The following CGREF1 variants were observed in gnomAD, a reference collection of about 807,000 sequenced individuals.
The protein encoded by CGREF1 is cell growth regulator with EF-hand domain 1.
In CGREF1, 16 loss-of-function variants were observed where a neutral mutation model predicts 17.4. The ratio of observed to expected loss-of-function variants is 0.92; its 90% confidence interval spans 0.62 to 1.40. CGREF1 has a LOEUF of 1.40. Among genes scored for constraint, CGREF1 ranks in the 40% most tolerant of loss-of-function variants. The probability of loss-of-function intolerance (pLI) is 0.00; values close to 1 mark genes in which losing one functional copy is unlikely to be tolerated. For synonymous variants in CGREF1, 142 were observed against 154.6 expected (o/e 0.92, Z 0.61); for missense variants, 296 against 376.4 (o/e 0.79, Z 1.77).
intron 1 of CGREF1, among the ~76,000 whole-genome samples, chr2:27,118,463 G>A (rs1671670728): frequency 2.0e-5 from 3 of 152,160 alleles, no homozygotes; most frequent in Admixed American, 2.0e-4. Context: ...TCGGCCACCT[G>A]CAAGCGGACG....
downstream of CGREF1, chr2:27,100,098 G>A: frequency 1.7e-6 from 1 of 581,896 alleles, no homozygotes. Flanking sequence ...GGCTGCCTGG[G>A]CTAGAGCAGC....
intron 1 of CGREF1, chr2:27,104,586 A>C (rs1671044748): frequency 1.9e-6 from 3 of 1,550,600 alleles, no homozygotes; most frequent in Non-Finnish European, 2.6e-6. Context: ...TCTTGTATAT[A>C]AAGCACATAA....
Position 27,118,549 on chromosome 2 carries a change from C to T in CGREF1, c.-12+297G>A, listed in dbSNP as rs78366884. 3.0e-4 allele frequency among the ~76,000 whole-genome samples: 45 copies of T among 152,300 alleles called. No individual in the cohort carries two copies. In the East Asian group the frequency reaches 6.4e-3, roughly 22 times the overall value. ...GGAAAGCTCCCGCCAGCTGCCCCTC[C>T]CCCAGGACTGCTGGAACACGGAATG... On this transcript the variant is annotated intron_variant, in intron 1 of 5. Transcript: ENST00000402394.
chr2:27,104,817 C>A, intron 1 of CGREF1: 1 of 1,448,508 alleles, frequency 6.9e-7, no homozygotes. Flanking sequence ...AAGACTTAAA[C>A]ACAGGCAAAA....
chr2:27,111,790 C>T (rs1225537029), intron 1 of CGREF1, among the ~76,000 whole-genome samples: 1 of 152,012 alleles, frequency 6.6e-6, no homozygotes, highest in Non-Finnish European at 1.5e-5. Context: ...CACGCCCACC[C>T]GGAACTCGCG....
At chr2:27,117,524 A>G (rs181425228) in intron 1 of CGREF1, among the ~76,000 whole-genome samples, 8 of 152,328 alleles carry the variant, frequency 5.3e-5, no homozygotes, top group African/African-American at 1.9e-4. Context: ...AAGTTATGTC[A>G]CACACGTGCA....
chr2:27,112,786 T>C (rs1046450842), intron 1 of CGREF1, among the ~76,000 whole-genome samples: 1 of 152,170 alleles, frequency 6.6e-6, no homozygotes, highest in Admixed American at 6.6e-5. Flanking sequence ...AATGAGCAGA[T>C]TTGAGTATAT....
At chr2:27,106,291 A>G (rs1217146413) in intron 1 of CGREF1, among the ~76,000 whole-genome samples, 1 of 152,234 alleles carries the variant, frequency 6.6e-6, no homozygotes. Flanking sequence ...ATCTGGGGGA[A>G]AGTGAGCTTG....
rs958173219 is a variant in CGREF1 at position 27,101,024 on chromosome 2, G to T, written c.*250C>A. The T allele has an allele frequency of 7.7e-7, 1 of 1,296,428 alleles. No homozygotes were observed. Among genetic ancestry groups the T allele is most frequent in the Non-Finnish European group, 9.7e-7 (1 of 1,026,632 alleles). 80.3% of individuals were successfully genotyped at this position (1,296,428 alleles called of 1,614,324 possible). On this transcript the variant is annotated 3_prime_UTR_variant, in exon 6 of 6. Coordinates refer to ENST00000402394, the MANE Select transcript of CGREF1 (RefSeq NM_006569.6). ...CCCTGTCCTTTCGGTCCCCAACCCC[G>T]TTCCTCTGAGAGGGTCTGGGCAGGC...
Position 27,100,774 on chromosome 2 carries a change from A to G in CGREF1, c.*500T>C, listed in dbSNP as rs1330825339. On this transcript the variant is annotated 3_prime_UTR_variant, in exon 6 of 6. Transcript: ENST00000402394. ...ATGCCTGATGTGTACAAGGCTCTCA[A>G]AAAGTTCTAGTGATGATTAATATTA... 6.2e-6 allele frequency: 7 copies of G among 1,124,438 alleles called. No homozygotes were observed. The highest frequency in any genetic ancestry group is 7.7e-6 in the Non-Finnish European group (7 of 908,718). The allele number at this position is 1,124,438 out of a possible 1,614,324, so 69.7% of individuals were successfully genotyped here.
chr2:27,111,375 G>A (rs1178166988), intron 1 of CGREF1, among the ~76,000 whole-genome samples: 1 of 152,240 alleles, frequency 6.6e-6, no homozygotes, highest in African/African-American at 2.4e-5. Context: ...AGTGCCAACT[G>A]GCGTATTTAC....
rs1023220255 is a variant in CGREF1, at chr2:27,102,576, C to T, written c.96G>A (p.Val32=). 6.2e-7 allele frequency: 1 copy of T among 1,612,960 alleles called. No homozygotes were observed. Residue 32 remains valine (V), a synonymous_variant, in exon 3 of 6, where the codon GTG becomes GTA. Transcript: ENST00000402394. ...KDGVTRPDSE[V]QHQLLPNPFQ... ...AGGGGTTGGGCAGGAGCTGATGCTG[C>T]ACTTCAGAGTCTGGCCTGGAGGAGG...
At chr2:27,116,906 TCTCTCTCTCTCTCTC>T (rs1671599934) in intron 1 of CGREF1, among the ~76,000 whole-genome samples, 8 of 132,314 alleles carry the variant, frequency 6.0e-5, no homozygotes, top group South Asian at 2.5e-4. Flanking sequence ...TCTCTCTCTC[TCTCTCTCTCTCTCTC>T]TCTTTTTTTG....
At chr2:27,110,477 A>G (rs1192935087) in intron 1 of CGREF1, among the ~76,000 whole-genome samples, 1 of 152,188 alleles carries the variant, frequency 6.6e-6, no homozygotes, top group Non-Finnish European at 1.5e-5. Context: ...ACTTAAAGAA[A>G]TTAAAATAAA....
intron 1 of CGREF1, among the ~76,000 whole-genome samples, chr2:27,108,928 A>T (rs1350508673): frequency 2.0e-5 from 3 of 151,504 alleles, no homozygotes; most frequent in African/African-American, 7.3e-5. Context: ...GACGACATGA[A>T]TGTGCCACCA....
At chr2:27,104,861 C>G in intron 1 of CGREF1, 2 of 1,359,570 alleles carry the variant, frequency 1.5e-6, no homozygotes, top group Non-Finnish European at 1.9e-6. Flanking sequence ...ATTAAAAACC[C>G]ACTGAAGAAC....
Position 27,102,338 on chromosome 2 carries a change from C to G in CGREF1, c.217+22G>C, listed in dbSNP as rs764551770. The stretch of plus-strand genomic sequence containing the variant: ...GCTGCCCAGAGCCTCCCGTCCCTGG[C>G]CCCATCAGCCCAGCCCCTCACCCTG... On this transcript the variant is annotated intron_variant, in intron 4 of 5. Transcript: ENST00000402394. 3.7e-6 allele frequency: 6 copies of G among 1,613,462 alleles called. No individual in the cohort carries two copies. The African/African-American group carries it at 8.0e-5, about 22-fold the overall frequency.
intron 1 of CGREF1, among the ~76,000 whole-genome samples, chr2:27,112,939 G>C (rs1671444587): frequency 6.6e-6 from 1 of 152,212 alleles, no homozygotes; most frequent in African/African-American, 2.4e-5. Flanking sequence ...CTGGGCCTCA[G>C]CAGGAAGTAG....
intron 1 of CGREF1, among the ~76,000 whole-genome samples, chr2:27,118,080 A>G (rs1266986817): frequency 6.6e-6 from 1 of 152,108 alleles, no homozygotes; most frequent in Non-Finnish European, 1.5e-5. Context: ...GGGAGGCTGC[A>G]ATGAGAAAAC....
Sources: allele counts gnomAD v4.1 joint callset (sites outside exome capture counted in the v4.1 genomes callset), GRCh38; gene constraint gnomAD v4.1.1; transcripts MANE v1.5; gene names NCBI Gene and HGNC (gene_info 2026-07-23, HGNC 2026-07-21).